The following CDH6 variants were observed in gnomAD, a reference collection of about 807,000 sequenced individuals.
CDH6 encodes the protein cadherin-6.
In CDH6, 31 loss-of-function variants were observed where a neutral mutation model predicts 78.0. That is an observed-to-expected ratio of 0.40 (90% CI 0.30 to 0.54). The LOEUF is 0.54. Among genes scored for constraint, CDH6 ranks in the 20% least tolerant of loss-of-function variants. The probability of loss-of-function intolerance (pLI) is 0.56; values close to 1 mark genes in which losing one functional copy is unlikely to be tolerated. For missense variants in CDH6, 724 were observed against 975.9 expected, an observed-to-expected ratio of 0.74 and a Z score of 3.44; for synonymous variants, 376 against 368.8, an observed-to-expected ratio of 1.02 and a Z score of -0.23.
chr5:31,292,724 T>A (rs919089626), intron 2 of CDH6, among the ~76,000 whole-genome samples: 1 of 150,988 alleles, frequency 6.6e-6, no homozygotes, highest in African/African-American at 2.4e-5. Flanking sequence ...TAGGGTTAAA[T>A]TATCTGAAAA....
chr5:31,204,001 G>A (rs1277904392), intron 1 of CDH6, among the ~76,000 whole-genome samples: 1 of 152,140 alleles, frequency 6.6e-6, no homozygotes, highest in Non-Finnish European at 1.5e-5. Context: ...TACCCAAGAG[G>A]AGGTGGTCCC....
intron 1 of CDH6, among the ~76,000 whole-genome samples, chr5:31,249,028 AAAT>A (rs1247057226): frequency 6.6e-6 from 1 of 152,218 alleles, no homozygotes; most frequent in Non-Finnish European, 1.5e-5. Flanking sequence ...CTCACCACGA[AAAT>A]AATAATGATG....
At chr5:31,269,235 C>T (rs6892058) in intron 2 of CDH6, among the ~76,000 whole-genome samples, 68,602 of 148,846 alleles carry the variant, frequency 0.46, 16,049 homozygotes, top group Middle Eastern at 0.58. Context: ...AATTGTGATG[C>T]CATTTTACAT....
At chr5:31,196,835 A>G (rs1034401275) in intron 1 of CDH6, among the ~76,000 whole-genome samples, 1 of 152,184 alleles carries the variant, frequency 6.6e-6, no homozygotes, top group Non-Finnish European at 1.5e-5. Flanking sequence ...ACCATCATCA[A>G]TATAAGATTT....
chr5:31,241,253 T>C (rs1741594185), intron 1 of CDH6, among the ~76,000 whole-genome samples: 1 of 152,126 alleles, frequency 6.6e-6, no homozygotes, highest in Admixed American at 6.5e-5. Flanking sequence ...CAAGGCTGAG[T>C]TTTCAGGCAT....
Position 31,294,398 on chromosome 5 carries a change from CAT to C in CDH6, c.523+145_523+146del. 1 of 671,610 alleles carries C rather than the reference CAT, an allele frequency of 1.5e-6. No homozygotes were observed. The highest frequency in any genetic ancestry group is 2.6e-6 in the Non-Finnish European group (1 of 383,990). 41.6% of individuals were successfully genotyped at this position (671,610 alleles called of 1,614,324 possible). ...TCCATGTATGTCCTTTCTGTAAGTG[CAT>C]ATGTTTCCTAATATTACTCTAGTCT... is the stretch of plus-strand genomic sequence containing the variant. On this transcript the variant is annotated intron_variant, in intron 3 of 11. Coordinates refer to ENST00000265071, the MANE Select transcript of CDH6 (RefSeq NM_004932.4). This position sits in a 1 kb window ranked among gnomAD's most constrained non-coding sequence, Gnocchi z 4.1.
At chr5:31,242,702 G>GGC (rs1554005340) in intron 1 of CDH6, among the ~76,000 whole-genome samples, 5 of 69,838 alleles carry the variant, frequency 7.2e-5, no homozygotes, top group South Asian at 1.6e-3. Context: ...GAATAAGAAT[G>GGC]GGGGGGGGCG....
Position 31,266,135 on chromosome 5 carries a change from G to A in CDH6, c.-128-1211G>A, listed in dbSNP as rs72749680. Among the ~76,000 whole-genome samples, 15 of 151,644 alleles carry A rather than the reference G, an allele frequency of 9.9e-5. No individual in the cohort carries two copies. In the South Asian group the frequency reaches 1.9e-3, roughly 19 times the overall value. ...AAAGGAGTAATTTACTGTTTTTTTC[G>A]CCCAAAAATGTGGCAAAGTTTCTAA... is the stretch of plus-strand genomic sequence containing the variant. On this transcript the variant is annotated intron_variant, in intron 1 of 11. Transcript: ENST00000265071.
chr5:31,214,832 AG>A (rs1181057898), intron 1 of CDH6, among the ~76,000 whole-genome samples: 5 of 152,212 alleles, frequency 3.3e-5, no homozygotes, highest in Admixed American at 6.6e-5. Flanking sequence ...CGATGTAAAA[AG>A]CTTCACAATT....
chr5:31,290,169 A>G (rs1012985222), intron 2 of CDH6, among the ~76,000 whole-genome samples: 2 of 152,202 alleles, frequency 1.3e-5, no homozygotes, highest in African/African-American at 2.4e-5. Flanking sequence ...CTGAGCCAAG[A>G]GAATTGCTTG....
chr5:31,317,071 T>C (rs1249192617), intron 9 of CDH6, among the ~76,000 whole-genome samples: 1 of 152,160 alleles, frequency 6.6e-6, no homozygotes, highest in Non-Finnish European at 1.5e-5. Flanking sequence ...ATATTTACAG[T>C]ATCTTGAGAG....
chr5:31,283,615 A>G (rs879576423), intron 2 of CDH6, among the ~76,000 whole-genome samples: 3 of 152,202 alleles, frequency 2.0e-5, no homozygotes, highest in Admixed American at 1.3e-4. Context: ...CAATTGCCAG[A>G]TGATGAATCA....
chr5:31,228,005 G>A (rs148167592), intron 1 of CDH6, among the ~76,000 whole-genome samples: 1 of 152,324 alleles, frequency 6.6e-6, no homozygotes, highest in Non-Finnish European at 1.5e-5. Flanking sequence ...CTGTCGGTGT[G>A]CTTGTGTTCT....
Position 31,317,878 on chromosome 5 carries a change from C to A in CDH6, c.1836C>A (p.Ser612Arg). ...CGCTCATCCACCCCACGGGACTGAG[C>A]ACGGGGGCTCTGGTTGCCATCCTTC... ...AEALIHPTGL[S>R]TGALVAILLC... Residue 612 changes from serine to arginine, a missense_variant, in exon 11 of 12, where the codon AGC becomes AGA. Coordinates refer to ENST00000265071, the MANE Select transcript of CDH6 (RefSeq NM_004932.4). 6.2e-7 allele frequency: 1 copy of A among 1,614,018 alleles called. No individual in the cohort carries two copies. The highest frequency in any genetic ancestry group is 8.5e-7 in the Non-Finnish European group (1 of 1,180,014).
intron 1 of CDH6, among the ~76,000 whole-genome samples, chr5:31,206,251 CA>C (rs1376630207): frequency 1.3e-5 from 2 of 151,766 alleles, no homozygotes; most frequent in Non-Finnish European, 1.5e-5. Flanking sequence ...ATCTCAAATA[CA>C]AAAAAAGTCA....
intron 1 of CDH6, among the ~76,000 whole-genome samples, chr5:31,220,657 G>A (rs548025282): frequency 4.9e-4 from 75 of 152,142 alleles, no homozygotes; most frequent in Non-Finnish European, 9.1e-4. Context: ...ACTATAATGC[G>A]TGCTATGAAG....
chr5:31,242,133 T>C (rs772625002), intron 1 of CDH6, among the ~76,000 whole-genome samples: 23 of 152,244 alleles, frequency 1.5e-4, no homozygotes, highest in Non-Finnish European at 2.5e-4. Context: ...CCCATTGTTA[T>C]GTCCCCTAGT....
chr5:31,252,696 G>A (rs540258864), intron 1 of CDH6, among the ~76,000 whole-genome samples: 10 of 152,050 alleles, frequency 6.6e-5, no homozygotes, highest in East Asian at 1.9e-4. Flanking sequence ...AGTACCAAAC[G>A]ATGCCTGTTC....
intron 7 of CDH6, among the ~76,000 whole-genome samples, chr5:31,306,361 G>C (rs953245319): frequency 6.6e-6 from 1 of 152,198 alleles, no homozygotes; most frequent in East Asian, 1.9e-4. Flanking sequence ...TCATGTTGCA[G>C]TAAGGCCTTA....
Sources: allele counts gnomAD v4.1 joint callset (sites outside exome capture counted in the v4.1 genomes callset), GRCh38; gene constraint gnomAD v4.1.1; non-coding constraint Gnocchi (gnomAD v3.1); transcripts MANE v1.5; gene names NCBI Gene and HGNC (gene_info 2026-07-23, HGNC 2026-07-21).